Variants in SDCBP observed in about 807,000 individuals in gnomAD.
SDCBP encodes the protein syndecan binding protein.
SDCBP carries 22 observed loss-of-function variants against 30.5 expected under a neutral mutation model. The ratio of observed to expected loss-of-function variants is 0.72; its 90% CI spans 0.52 to 1.03. The LOEUF (loss-of-function observed/expected upper bound fraction) is 1.03. Among genes scored for constraint, SDCBP ranks in the 50% least tolerant of loss-of-function variants. SDCBP has a pLI of 0.00. For missense variants in SDCBP, 304 were observed against 369.9 expected (o/e 0.82, Z 1.46); for synonymous variants, 103 against 118.7 (o/e 0.87, Z 0.86).
At chr8:58,556,110 GCCGTCCTAAA>G (rs1804084874) in intron 1 of SDCBP, among the ~76,000 whole-genome samples, 1 of 152,130 alleles carries the variant, frequency 6.6e-6, no homozygotes, top group South Asian at 2.1e-4. Flanking sequence ...CAATGATTCT[GCCGTCCTAAA>G]TTTTTATTAT....
chr8:58,571,365 A>G (rs1398348320), intron 3 of SDCBP, among the ~76,000 whole-genome samples: 1 of 152,162 alleles, frequency 6.6e-6, no homozygotes, highest in Non-Finnish European at 1.5e-5. Context: ...TGAAATTTCC[A>G]ACCACCTCCT....
chr8:58,573,961 C>T (rs16923573), intron 4 of SDCBP, among the ~76,000 whole-genome samples: 10,192 of 152,226 alleles, frequency 0.067, 870 homozygotes, highest in East Asian at 0.26. Context: ...AAAGTTCAAA[C>T]TTTATAAAGG....
rs552220096 is a variant in SDCBP, at chr8:58,556,733, C to T, written c.-16+3430C>T. Among the ~76,000 whole-genome samples the T allele has an allele frequency of 3.3e-5, 5 of 151,058 alleles. No individual in the cohort carries two copies. In the South Asian group the frequency reaches 6.2e-4, roughly 19 times the overall value. ...AAGTTGAGGGCCTTCGTTCTGTACA[C>T]ATATTTAAAGACTTCAAGGAGGTTA... is the stretch of plus-strand genomic sequence containing the variant. On this transcript the variant is annotated intron_variant, in intron 1 of 8. Transcript: ENST00000260130.
At chr8:58,579,885 C>T (rs1487968526) in intron 7 of SDCBP, 91 bp downstream of exon 7, 6 of 1,262,672 alleles carry the variant, frequency 4.8e-6, no homozygotes, top group Non-Finnish European at 6.4e-6. Flanking sequence ...TTCATATTGA[C>T]TTAGGTGGGA....
At chr8:58,566,421 G>T (rs10099912) in intron 2 of SDCBP, among the ~76,000 whole-genome samples, 47,881 of 151,974 alleles carry the variant, frequency 0.32, 7,737 homozygotes, top group East Asian at 0.55. Flanking sequence ...GAAAACAGCA[G>T]CAGCAGAAGA....
chr8:58,555,858 G>A (rs1167764431), intron 1 of SDCBP, among the ~76,000 whole-genome samples: 6 of 151,764 alleles, frequency 4.0e-5, no homozygotes, highest in Admixed American at 3.9e-4. Context: ...TTACAGGCAT[G>A]AGCCATACGG....
At chr8:58,559,155 C>T (rs564351152) in intron 1 of SDCBP, among the ~76,000 whole-genome samples, 2 of 152,228 alleles carry the variant, frequency 1.3e-5, no homozygotes, top group South Asian at 2.1e-4. Flanking sequence ...GTTGTTCAGA[C>T]AACTTCAGTT....
At chr8:58,554,705 T>A (rs1563500241) in intron 1 of SDCBP, among the ~76,000 whole-genome samples, 1 of 152,220 alleles carries the variant, frequency 6.6e-6, no homozygotes, top group East Asian at 1.9e-4. Flanking sequence ...GACAACTATT[T>A]TCCCTGTTTT....
intron 2 of SDCBP, among the ~76,000 whole-genome samples, chr8:58,565,845 T>G (rs1804679320): frequency 6.6e-6 from 1 of 152,152 alleles, no homozygotes; most frequent in Non-Finnish European, 1.5e-5. Flanking sequence ...AATTTAGAAT[T>G]TCTTCAGCCG....
chr8:58,573,318 T>G (rs1177752908), intron 4 of SDCBP, among the ~76,000 whole-genome samples: 10 of 152,222 alleles, frequency 6.6e-5, no homozygotes, highest in Admixed American at 6.5e-4. Context: ...GGCATTTATG[T>G]ATTTACCAAA....
chr8:58,568,628 C>T (rs759864769), intron 2 of SDCBP, among the ~76,000 whole-genome samples: 2 of 152,140 alleles, frequency 1.3e-5, no homozygotes, highest in Non-Finnish European at 2.9e-5. Context: ...AGCTTATTTA[C>T]ACCACCATCA....
chr8:58,567,334 T>C (rs112611230), intron 2 of SDCBP, among the ~76,000 whole-genome samples: 182 of 152,334 alleles, frequency 1.2e-3, no homozygotes, highest in African/African-American at 4.2e-3. Flanking sequence ...AGAACAGAAA[T>C]TCATAACTAC....
At chr8:58,560,118 C>G (rs1218688437) in intron 1 of SDCBP, among the ~76,000 whole-genome samples, 1 of 152,164 alleles carries the variant, frequency 6.6e-6, no homozygotes, top group Non-Finnish European at 1.5e-5. Flanking sequence ...GTCCCTCCCC[C>G]TCCCTCAGCA....
In SDCBP at chr8:58,582,768, T is replaced by G. The variant is rs1805759566; in HGVS notation, c.*1028T>G. ...TGACTCCTCCTTGCAAACAAAATGA[T>G]AGTTGACACTTTATCCTGATTTTTT... On this transcript the variant is annotated 3_prime_UTR_variant, in exon 9 of 9. Transcript: ENST00000260130. The G allele has an allele frequency of 6.6e-6, 1 of 152,670 alleles. No homozygotes were observed. The highest frequency in any genetic ancestry group is 1.5e-5 in the Non-Finnish European group (1 of 68,040). The allele number at this position is 152,670 out of a possible 1,614,324, so 9.5% of individuals were successfully genotyped here. A position where few individuals can be genotyped will look rare whatever the true frequency, so the allele number is the denominator to read the frequency against.
rs1327911010 is a variant in SDCBP, at chr8:58,574,582, ATT to A, written c.241-1315_241-1314del. On this transcript the variant is annotated intron_variant, in intron 4 of 8. Transcript: ENST00000260130. ...CCGCCTTTTATTTTTCTTCTGTTCTATTTTAAATTAATTTGTTGCTGGAGATT... is the reference window on the plus strand; with the variant it reads ...CCGCCTTTTATTTTTCTTCTGTTCTATTAAATTAATTTGTTGCTGGAGATT... Among the ~76,000 whole-genome samples, 5 of 152,138 alleles carry A rather than the reference ATT, an allele frequency of 3.3e-5. No individual in the cohort carries two copies. In the East Asian group the frequency reaches 9.7e-4, roughly 29 times the overall value.
At chr8:58,578,491 C>T (rs1805477245) in intron 6 of SDCBP, 4 of 240,692 alleles carry the variant, frequency 1.7e-5, no homozygotes, top group Non-Finnish European at 1.6e-5. Context: ...GGCTCACTTT[C>T]CAACTTACTG....
chr8:58,573,986 A>G (rs1401759649), intron 4 of SDCBP, among the ~76,000 whole-genome samples: 2 of 152,164 alleles, frequency 1.3e-5, no homozygotes, highest in Non-Finnish European at 2.9e-5. Flanking sequence ...CATAATAAAT[A>G]CCTTAGGCTT....
chr8:58,568,293 C>T (rs563238086), intron 2 of SDCBP, among the ~76,000 whole-genome samples: 18 of 152,228 alleles, frequency 1.2e-4, no homozygotes, highest in African/African-American at 4.1e-4. Flanking sequence ...CACACACTCA[C>T]ATTAGCCTAG....
chr8:58,563,469 C>A (rs1020805585), intron 1 of SDCBP, among the ~76,000 whole-genome samples: 9 of 151,710 alleles, frequency 5.9e-5, no homozygotes, highest in African/African-American at 2.2e-4. Flanking sequence ...TGGAAATATT[C>A]AAAGATAGGT....
Sources: gnomAD v4.1 joint callset for allele counts (sites outside exome capture counted in the v4.1 genomes callset) on GRCh38, gnomAD v4.1.1 for gene constraint, MANE v1.5 for transcripts, NCBI Gene and HGNC (gene_info 2026-07-23, HGNC 2026-07-21) for gene names.